GALNTL6: variants seen among roughly 807,000 people sequenced by gnomAD.
GALNTL6 encodes the protein polypeptide N-acetylgalactosaminyltransferase-like 6.
In GALNTL6, 46 loss-of-function variants were observed where a neutral mutation model predicts 73.7. The observed-to-expected ratio is 0.62, with a 90% CI of 0.49 to 0.80. GALNTL6 has a LOEUF of 0.80. Ranked by LOEUF, GALNTL6 falls within the 30% of genes least tolerant of loss-of-function variation. GALNTL6 has a pLI of 0.00. For missense variants in GALNTL6, 604 were observed against 755.0 expected (o/e 0.80, Z 2.34); for synonymous variants, 259 against 263.7 (o/e 0.98, Z 0.17).
chr4:172,581,214 G>A (rs1384765155), intron 5 of GALNTL6, among the ~76,000 whole-genome samples: 1 of 152,156 alleles, frequency 6.6e-6, no homozygotes, highest in Non-Finnish European at 1.5e-5. Context: ...ATGCCATAAA[G>A]CAAATGTAGT....
intron 7 of GALNTL6, among the ~76,000 whole-genome samples, chr4:172,815,246 T>C (rs1200918091): frequency 1.3e-5 from 2 of 152,190 alleles, no homozygotes; most frequent in Non-Finnish European, 2.9e-5. Flanking sequence ...TTGTACATCA[T>C]AAATATATAC....
At chr4:172,287,880 C>G (rs1561007430) in intron 3 of GALNTL6, among the ~76,000 whole-genome samples, 1 of 152,048 alleles carries the variant, frequency 6.6e-6, no homozygotes, top group Non-Finnish European at 1.5e-5. Context: ...ACTTCAGGAA[C>G]CTTGGGGAAT....
intron 7 of GALNTL6, among the ~76,000 whole-genome samples, chr4:172,868,644 G>A (rs1199462883): frequency 6.6e-6 from 1 of 152,136 alleles, no homozygotes; most frequent in Non-Finnish European, 1.5e-5. Flanking sequence ...CACCAAGCTG[G>A]GAATCAGCCA....
chr4:172,113,467 T>C (rs1272322398), intron 2 of GALNTL6, among the ~76,000 whole-genome samples: 1 of 152,038 alleles, frequency 6.6e-6, no homozygotes, highest in Non-Finnish European at 1.5e-5. Context: ...TCTACTTCTT[T>C]TTCTATAGAC....
At chr4:171,994,212 T>A (rs1740420018) in intron 2 of GALNTL6, among the ~76,000 whole-genome samples, 2 of 152,050 alleles carry the variant, frequency 1.3e-5, no homozygotes, top group African/African-American at 4.8e-5. Flanking sequence ...ACATCAGTGA[T>A]TTCAGACCAC....
At chr4:172,224,357 T>C (rs1736781870) in intron 2 of GALNTL6, among the ~76,000 whole-genome samples, 1 of 152,166 alleles carries the variant, frequency 6.6e-6, no homozygotes, top group South Asian at 2.1e-4. Flanking sequence ...TGCCTTTGAA[T>C]CCAGAGTTTT....
intron 5 of GALNTL6, among the ~76,000 whole-genome samples, chr4:172,376,556 C>T (rs1349974195): frequency 1.3e-5 from 2 of 152,170 alleles, no homozygotes; most frequent in Non-Finnish European, 2.9e-5. Context: ...AAGCCTGACA[C>T]CTGTGTCTTC....
At chr4:172,862,615 G>A (rs533684927) in intron 7 of GALNTL6, among the ~76,000 whole-genome samples, 9 of 152,182 alleles carry the variant, frequency 5.9e-5, no homozygotes, top group South Asian at 2.1e-4. Flanking sequence ...CAGAAGAATC[G>A]CTTGAACCCT....
intron 2 of GALNTL6, among the ~76,000 whole-genome samples, chr4:172,223,354 G>T (rs1193659841): frequency 6.6e-6 from 1 of 152,070 alleles, no homozygotes; most frequent in Non-Finnish European, 1.5e-5. Flanking sequence ...AGAAACTTCT[G>T]TGTAGATTAT....
chr4:172,138,133 C>T (rs1350539183), intron 2 of GALNTL6, among the ~76,000 whole-genome samples: 1 of 151,894 alleles, frequency 6.6e-6, no homozygotes, highest in Admixed American at 6.6e-5. Context: ...ATTCTAAAAC[C>T]TCCCAAATGA....
At position 172,960,812 on chromosome 4, in the gene GALNTL6, G is replaced by T. The variant is rs145141270; in HGVS notation, c.1371+8554G>T. Among the ~76,000 whole-genome samples, 49 of 152,264 alleles carry T rather than the reference G, an allele frequency of 3.2e-4. 1 individual carries two copies. In the East Asian group the frequency reaches 9.3e-3, roughly 29 times the overall value. On this transcript the variant is annotated intron_variant, in intron 10 of 12. Coordinates refer to ENST00000506823, the MANE Select transcript of GALNTL6 (RefSeq NM_001034845.3). ...ATAAGGCATTTAGGTTTTAGGTCAG[G>T]TATGAGTTGAAGAGGTTTTACGTTC...
At chr4:172,402,205 T>C (rs1460110229) in intron 5 of GALNTL6, among the ~76,000 whole-genome samples, 1 of 152,084 alleles carries the variant, frequency 6.6e-6, no homozygotes, top group East Asian at 1.9e-4. Context: ...TAGGCTTTGT[T>C]CTATGCTGTG....
intron 4 of GALNTL6, among the ~76,000 whole-genome samples, chr4:172,313,478 A>G (rs1411717846): frequency 6.6e-6 from 1 of 152,178 alleles, no homozygotes; most frequent in Non-Finnish European, 1.5e-5. Context: ...GGAAATAATG[A>G]CAAGTTTAGA....
intron 10 of GALNTL6, among the ~76,000 whole-genome samples, chr4:172,964,433 C>T (rs915967827): frequency 2.0e-5 from 3 of 152,170 alleles, no homozygotes; most frequent in African/African-American, 7.2e-5. Context: ...CTCAATGTGC[C>T]AATCTGGGTA....
intron 2 of GALNTL6, among the ~76,000 whole-genome samples, chr4:171,998,565 A>G (rs1740570131): frequency 6.6e-6 from 1 of 152,170 alleles, no homozygotes; most frequent in South Asian, 2.1e-4. Flanking sequence ...ACTTAAATAT[A>G]TAAACGTTGG....
chr4:172,673,795 AT>A (rs1732126914), intron 5 of GALNTL6, among the ~76,000 whole-genome samples: 2 of 152,162 alleles, frequency 1.3e-5, no homozygotes, highest in East Asian at 1.9e-4. Flanking sequence ...ATTGAAACCC[AT>A]GTTTTTTCTG....
intron 5 of GALNTL6, among the ~76,000 whole-genome samples, chr4:172,766,949 T>C (rs1375264769): frequency 6.6e-6 from 1 of 152,212 alleles, no homozygotes; most frequent in Non-Finnish European, 1.5e-5. Context: ...TCTGACTATT[T>C]TGCTGGTGGG....
chr4:171,910,708 G>C (rs2110961590), intron 2 of GALNTL6, among the ~76,000 whole-genome samples: 1 of 152,108 alleles, frequency 6.6e-6, no homozygotes, highest in East Asian at 1.9e-4. Flanking sequence ...ACTTCTTATG[G>C]TTAACAATCC....
At chr4:171,978,809 C>A (rs932499494) in intron 2 of GALNTL6, among the ~76,000 whole-genome samples, 1 of 148,074 alleles carries the variant, frequency 6.8e-6, no homozygotes, top group Middle Eastern at 3.4e-3. Flanking sequence ...TTGCATTTTG[C>A]AAAATGGAGA....
Sources: gnomAD v4.1 joint callset for allele counts (sites outside exome capture counted in the v4.1 genomes callset) on GRCh38, gnomAD v4.1.1 for gene constraint, MANE v1.5 for transcripts, NCBI Gene and HGNC (gene_info 2026-07-23, HGNC 2026-07-21) for gene names.